Variants in RANBP2 observed in about 807,000 individuals in gnomAD.
RANBP2 encodes RAN binding protein 2.
A neutral mutation model predicts 303.6 loss-of-function variants in RANBP2; 57 were observed. The ratio of observed to expected loss-of-function variants is 0.19; its 90% CI spans 0.15 to 0.23. The LOEUF (loss-of-function observed/expected upper bound fraction) is 0.23. Among genes scored for constraint, RANBP2 ranks in the 10% least tolerant of loss-of-function variants. The pLI, the probability that RANBP2 is intolerant of heterozygous loss-of-function variation, is 1.00. For missense variants in RANBP2, 3,138 were observed against 3,780.8 expected, an observed-to-expected ratio of 0.83 and a Z score of 4.46; for synonymous variants, 1,167 against 1,301.5, an observed-to-expected ratio of 0.90 and a Z score of 2.23.
the RANBP2 span, among the ~76,000 whole-genome samples, chr2:109,698,890 G>A: frequency 5.3e-5 from 8 of 152,252 alleles, no homozygotes; most frequent in African/African-American, 1.4e-4. Context: ...CCAAGATTGC[G>A]CCAGCCTGGG....
At chr2:109,255,833 G>A in the RANBP2 span, among the ~76,000 whole-genome samples, 2 of 152,178 alleles carry the variant, frequency 1.3e-5, no homozygotes, top group Non-Finnish European at 2.9e-5. Flanking sequence ...TTAATAGGCC[G>A]AGTTTTCAGA....
intron 9 of RANBP2, among the ~76,000 whole-genome samples, chr2:108,750,556 CCTTTTCTTTTCTTTTCTTTT>C (rs70956276): frequency 2.0e-4 from 27 of 135,458 alleles, no homozygotes; most frequent in African/African-American, 6.1e-4. Context: ...AAGCACATAA[CCTTTTCTTTTCTTTTCTTTT>C]CTTTTCTTTT....
chr2:108,793,524 G>A, the RANBP2 span, among the ~76,000 whole-genome samples: 2 of 152,132 alleles, frequency 1.3e-5, no homozygotes, highest in Non-Finnish European at 2.9e-5. Flanking sequence ...TAGTAAAGTT[G>A]AATCTGCACA....
the RANBP2 span, among the ~76,000 whole-genome samples, chr2:109,547,369 G>GT: frequency 0.32 from 38,172 of 117,800 alleles, 5,811 homozygotes; most frequent in Middle Eastern, 0.44. Flanking sequence ...TAATAAACTT[G>GT]TTTTTTTTTT....
chr2:109,438,715 G>C, the RANBP2 span, among the ~76,000 whole-genome samples: 2 of 152,190 alleles, frequency 1.3e-5, no homozygotes, highest in Admixed American at 1.3e-4. Flanking sequence ...GTGGATCTGT[G>C]TTTTCTGGTA....
the RANBP2 span, among the ~76,000 whole-genome samples, chr2:109,105,854 CT>C: frequency 0.29 from 35,856 of 124,792 alleles, 5,138 homozygotes; most frequent in Middle Eastern, 0.43. Flanking sequence ...CGCGCCTGGT[CT>C]TTTTTTTTTT....
the RANBP2 span, among the ~76,000 whole-genome samples, chr2:109,455,960 A>G: frequency 6.6e-6 from 1 of 152,118 alleles, no homozygotes; most frequent in Non-Finnish European, 1.5e-5. Context: ...GAACTGATTC[A>G]CCCACGTGGG....
intron 1 of RANBP2, chr2:108,720,292 C>T (rs1261122007): frequency 1.2e-6 from 1 of 864,296 alleles, no homozygotes; most frequent in East Asian, 1.2e-4. Flanking sequence ...AGCTCCACTC[C>T]GCTCCTCATA....
chr2:109,518,742 C>T, the RANBP2 span, among the ~76,000 whole-genome samples: 5,691 of 151,826 alleles, frequency 0.037, 138 homozygotes, highest in Non-Finnish European at 0.058. Context: ...TACCCAAGAC[C>T]GGGTAATTTA....
chr2:109,416,904 C>CAAA, the RANBP2 span, among the ~76,000 whole-genome samples: 3 of 64,324 alleles, frequency 4.7e-5, no homozygotes, highest in Non-Finnish European at 1.0e-4. Context: ...GACTTCATCT[C>CAAA]AAAAAAAAAA....
At chr2:108,944,998 T>G in the RANBP2 span, among the ~76,000 whole-genome samples, 2 of 152,198 alleles carry the variant, frequency 1.3e-5, no homozygotes, top group Admixed American at 6.5e-5. Flanking sequence ...ATCACCGTAT[T>G]ATACCAGCCT....
chr2:109,514,487 G>C, the RANBP2 span, among the ~76,000 whole-genome samples: 2 of 152,216 alleles, frequency 1.3e-5, no homozygotes, highest in African/African-American at 4.8e-5. Flanking sequence ...TACGAGTTCA[G>C]TGTGGGGCAC....
At chr2:108,998,937 C>G in the RANBP2 span, among the ~76,000 whole-genome samples, 1 of 152,248 alleles carries the variant, frequency 6.6e-6, no homozygotes, top group East Asian at 1.9e-4. Context: ...GCTAGCCTCA[C>G]TGTCCCCAAG....
chr2:109,006,576 G>T, the RANBP2 span, among the ~76,000 whole-genome samples: 1 of 152,174 alleles, frequency 6.6e-6, no homozygotes, highest in African/African-American at 2.4e-5. Flanking sequence ...CTTGCGAGTC[G>T]TGGCAGCCCA....
chr2:109,591,124 T>A, the RANBP2 span, among the ~76,000 whole-genome samples: 2 of 152,250 alleles, frequency 1.3e-5, no homozygotes, highest in East Asian at 1.9e-4. Context: ...TTTTTAGTCA[T>A]GTAAGCATGT....
the RANBP2 span, chr2:108,812,620 C>A: frequency 6.2e-7 from 1 of 1,603,962 alleles, no homozygotes; most frequent in Non-Finnish European, 8.5e-7. Context: ...CTAACTTTTT[C>A]TACCCTTTAG....
the RANBP2 span, among the ~76,000 whole-genome samples, chr2:109,629,341 ATATATATATATATAT>A: frequency 9.3e-3 from 76 of 8,210 alleles, 2 homozygotes; most frequent in African/African-American, 0.02. Context: ...ATATATATAT[ATATATATATATATAT>A]TTTTTTTTTT....
the RANBP2 span, among the ~76,000 whole-genome samples, chr2:109,651,430 G>A: frequency 2.6e-5 from 4 of 152,198 alleles, no homozygotes; most frequent in African/African-American, 4.8e-5. Flanking sequence ...ACAAATGGAA[G>A]CTCTTTATGA....
the RANBP2 span, among the ~76,000 whole-genome samples, chr2:109,238,480 T>C: frequency 7.4e-6 from 1 of 134,518 alleles, no homozygotes; most frequent in Admixed American, 7.4e-5. Context: ...TGTGTGTGTG[T>C]GTGTGTGTGT....
Sources: gnomAD v4.1 joint callset for allele counts (sites outside exome capture counted in the v4.1 genomes callset) on GRCh38, gnomAD v4.1.1 for gene constraint, MANE v1.5 for transcripts, NCBI Gene and HGNC (gene_info 2026-07-23, HGNC 2026-07-21) for gene names.